The following TRHDE variants were observed in gnomAD, a reference collection of about 807,000 sequenced individuals.
The protein encoded by TRHDE is thyrotropin releasing hormone degrading enzyme, also known as thyrotropin-releasing hormone-degrading ectoenzyme.
TRHDE carries 72 observed loss-of-function variants against 125.7 expected under a neutral mutation model. The observed-to-expected ratio is 0.57, with a 90% CI of 0.47 to 0.70. The LOEUF (loss-of-function observed/expected upper bound fraction) is 0.70, where lower values mean the gene tolerates loss of function less well. TRHDE is among the 30% of genes least tolerant of loss of function. TRHDE has a pLI of 0.00. For synonymous variants in TRHDE, 509 were observed against 509.1 expected (o/e 1.00, Z 0.00); for missense variants, 1,110 against 1,327.1 (o/e 0.84, Z 2.54).
chr12:72,467,022 G>T (rs1332705526), intron 3 of TRHDE, among the ~76,000 whole-genome samples: 1 of 152,216 alleles, frequency 6.6e-6, no homozygotes, highest in Non-Finnish European at 1.5e-5. Flanking sequence ...GATGCTCAAT[G>T]AGTATTTGTT....
chr12:72,634,467 A>G (rs1381034399), intron 15 of TRHDE, among the ~76,000 whole-genome samples: 1 of 150,824 alleles, frequency 6.6e-6, no homozygotes, highest in Non-Finnish European at 1.5e-5. Flanking sequence ...ATTGGATGCT[A>G]GTTTCAGAGG....
At chr12:72,542,769 T>C (rs1156433933) in intron 7 of TRHDE, among the ~76,000 whole-genome samples, 1 of 151,312 alleles carries the variant, frequency 6.6e-6, no homozygotes, top group Non-Finnish European at 1.5e-5. Flanking sequence ...TTTTAGGTTT[T>C]TGTTATTTTG....
chr12:72,665,189 T>C lies in TRHDE; in HGVS notation c.*1994T>C, dbSNP rs1333329791. Reference sequence around the variant, plus strand: ...TAATAGATAAGAAAAAAATTAGAGGTGGATGTCTTGTTTTGTGTCATGAAT... The same window carrying C: ...TAATAGATAAGAAAAAAATTAGAGGCGGATGTCTTGTTTTGTGTCATGAAT... On this transcript the variant is annotated 3_prime_UTR_variant, in exon 19 of 19. Coordinates refer to ENST00000261180, the MANE Select transcript of TRHDE (RefSeq NM_013381.3). The C allele has an allele frequency of 6.6e-6, 1 of 152,062 alleles. No individual in the cohort carries two copies. The allele number at this position is 152,062 out of a possible 1,614,324, so 9.4% of individuals were successfully genotyped here.
chr12:72,579,129 G>T (rs1471524182), intron 12 of TRHDE, among the ~76,000 whole-genome samples: 2 of 151,574 alleles, frequency 1.3e-5, no homozygotes, highest in Non-Finnish European at 2.9e-5. Context: ...TTGTGTATGT[G>T]TATTTTTTTA....
chr12:72,167,275 T>C (rs1348370381), intron 2 of TRHDE, among the ~76,000 whole-genome samples: 1 of 152,192 alleles, frequency 6.6e-6, no homozygotes, highest in East Asian at 1.9e-4. Context: ...TCTTCCACCG[T>C]AGTTGATATG....
intron 12 of TRHDE, among the ~76,000 whole-genome samples, chr12:72,590,841 T>C (rs1871642501): frequency 1.3e-5 from 2 of 152,228 alleles, no homozygotes; most frequent in African/African-American, 4.8e-5. Flanking sequence ...GATTTAGGTC[T>C]GTCATTTTGT....
At chr12:72,292,966 C>T (rs1202027091) in intron 2 of TRHDE, among the ~76,000 whole-genome samples, 1 of 152,172 alleles carries the variant, frequency 6.6e-6, no homozygotes, top group East Asian at 1.9e-4. Context: ...CTTATCTCTG[C>T]TCCACGATGT....
intron 1 of TRHDE, among the ~76,000 whole-genome samples, chr12:72,091,853 A>C (rs1874800021): frequency 6.6e-6 from 1 of 152,188 alleles, no homozygotes; most frequent in African/African-American, 2.4e-5. Context: ...GCTGACCAAT[A>C]GTTACCTCCT....
chr12:72,345,151 A>T (rs1870259693), intron 2 of TRHDE, among the ~76,000 whole-genome samples: 1 of 152,122 alleles, frequency 6.6e-6, no homozygotes, highest in Admixed American at 6.6e-5. Flanking sequence ...ATACTGGAGG[A>T]ATGTTTTCTC....
At chr12:72,164,382 T>C (rs539188695) in intron 2 of TRHDE, among the ~76,000 whole-genome samples, 1 of 152,228 alleles carries the variant, frequency 6.6e-6, no homozygotes, top group South Asian at 2.1e-4. Flanking sequence ...TGAACTCTTA[T>C]TAACCTCAAT....
At chr12:72,506,554 C>T (rs1878364720) in intron 6 of TRHDE, among the ~76,000 whole-genome samples, 1 of 152,192 alleles carries the variant, frequency 6.6e-6, no homozygotes. Context: ...AGAAAACTGA[C>T]ACTTGGGTAC....
At chr12:72,567,725 A>G (rs1870516401) in intron 9 of TRHDE, among the ~76,000 whole-genome samples, 1 of 152,062 alleles carries the variant, frequency 6.6e-6, no homozygotes, top group Non-Finnish European at 1.5e-5. Flanking sequence ...TAACGGTGAA[A>G]TGATAGATTG....
At chr12:72,152,612 T>C (rs1221416163) in intron 2 of TRHDE, among the ~76,000 whole-genome samples, 1 of 152,242 alleles carries the variant, frequency 6.6e-6, no homozygotes, top group African/African-American at 2.4e-5. Flanking sequence ...ATGAAGGTTG[T>C]TGAAATTTGT....
At position 72,662,972 on chromosome 12, in the gene TRHDE, A is replaced by G. The variant is rs895949892; in HGVS notation, c.3067-80A>G. 1.3e-5 allele frequency: 18 copies of G among 1,414,134 alleles called. No individual in the cohort carries two copies. In the South Asian group the frequency reaches 1.9e-4, roughly 15 times the overall value. The allele number at this position is 1,414,134 out of a possible 1,614,324, so 87.6% of individuals were successfully genotyped here. ...AATATATTGTTTTTTAATGTTTCAA[A>G]TAGATTCTTGTTCATGTTTGTTGGA... On this transcript the variant is annotated intron_variant, in intron 18 of 18. Coordinates refer to ENST00000261180, the MANE Select transcript of TRHDE (RefSeq NM_013381.3).
intron 3 of TRHDE, among the ~76,000 whole-genome samples, chr12:72,460,099 C>T (rs1876055837): frequency 6.6e-6 from 1 of 152,182 alleles, no homozygotes; most frequent in Admixed American, 6.5e-5. Context: ...AGCCTACTAT[C>T]TCCGTTTTTG....
chr12:72,101,385 G>A (rs1875064254), intron 1 of TRHDE, among the ~76,000 whole-genome samples: 1 of 152,208 alleles, frequency 6.6e-6, no homozygotes, highest in African/African-American at 2.4e-5. Context: ...GTGAGTGGCT[G>A]CTTTGAGTCT....
At position 72,286,723 on chromosome 12, in the gene TRHDE, G is replaced by C. The variant is rs1879903075; in HGVS notation, c.957G>C (p.Lys319Asn). ...AGTTTTCGCCTACACATGCCAGAAA[G>C]GCATTTCCTTGTTTTGATGAGCCAA... The part of the protein sequence containing the change: ...VTQFSPTHAR[K>N]AFPCFDEPIY... Residue 319 changes from lysine to asparagine, a missense_variant, in exon 2 of 19, where the codon AAG (lysine) becomes AAC (asparagine). By Grantham distance (94) the Lys-to-Asn change is moderately conservative. Around this residue, in one of 5 missense-constraint regions of TRHDE, gnomAD observed 252 missense variants for 274.8 expected, o/e 0.92. Coordinates refer to ENST00000261180, the MANE Select transcript of TRHDE (RefSeq NM_013381.3). 1 of 1,613,812 alleles carries C rather than the reference G, an allele frequency of 6.2e-7. No individual in the cohort carries two copies. The highest frequency in any genetic ancestry group is 8.5e-7 in the Non-Finnish European group (1 of 1,179,962).
At chr12:72,448,223 A>T (rs970894372) in intron 3 of TRHDE, among the ~76,000 whole-genome samples, 1 of 152,064 alleles carries the variant, frequency 6.6e-6, no homozygotes, top group Admixed American at 6.6e-5. Context: ...GAAGGCTGCC[A>T]TTCACATTTG....
intron 2 of TRHDE, among the ~76,000 whole-genome samples, chr12:72,223,884 G>T (rs1361562053): frequency 6.6e-6 from 1 of 151,676 alleles, no homozygotes; most frequent in African/African-American, 2.4e-5. Context: ...GCCAGGTAGA[G>T]ATCCTTGCTA....
Sources: gnomAD v4.1 joint callset for allele counts (sites outside exome capture counted in the v4.1 genomes callset) on GRCh38, gnomAD v4.1.1 for gene constraint, gnomAD v4.1.1 regional missense constraint, MANE v1.5 for transcripts, NCBI Gene and HGNC (gene_info 2026-07-23, HGNC 2026-07-21) for gene names.